DRC7: variants seen among roughly 807,000 people sequenced by gnomAD.
DRC7 encodes dynein regulatory complex subunit 7.
Under a neutral mutation model 104.4 loss-of-function variants are expected in DRC7, and 80 were observed. That is an observed-to-expected ratio of 0.77 (90% CI 0.64 to 0.92). The LOEUF (loss-of-function observed/expected upper bound fraction) is 0.92, where lower values mean the gene tolerates loss of function less well. DRC7 is among the 40% of genes least tolerant of loss of function. The probability of loss-of-function intolerance (pLI) is 0.00; values close to 1 mark genes in which losing one functional copy is unlikely to be tolerated. For synonymous variants in DRC7, 405 were observed against 447.3 expected (o/e 0.91, Z 1.19); for missense variants, 1,034 against 1,141.1 (o/e 0.91, Z 1.35).
At chr16:57,695,960 C>T (rs1445412518) in intron 1 of DRC7, among the ~76,000 whole-genome samples, 2 of 152,196 alleles carry the variant, frequency 1.3e-5, no homozygotes, top group Admixed American at 1.3e-4. Flanking sequence ...TCTGCTGCTC[C>T]CTTCTGCCCT....
At chr16:57,708,184 A>G (rs1247271803) in intron 8 of DRC7, among the ~76,000 whole-genome samples, 1 of 152,220 alleles carries the variant, frequency 6.6e-6, no homozygotes, top group Non-Finnish European at 1.5e-5. Flanking sequence ...CTAAGTGTAC[A>G]TACCATTGAA....
intron 8 of DRC7, among the ~76,000 whole-genome samples, chr16:57,710,239 C>T (rs1448933383): frequency 1.3e-5 from 2 of 152,186 alleles, no homozygotes; most frequent in African/African-American, 4.8e-5. Context: ...AGTTCTTGCA[C>T]ATCTTTTGTC....
At chr16:57,718,030 A>G (rs1430283892) in intron 8 of DRC7, among the ~76,000 whole-genome samples, 3 of 152,236 alleles carry the variant, frequency 2.0e-5, no homozygotes, top group African/African-American at 7.2e-5. Flanking sequence ...CCGATGCGGA[A>G]AGACCTGCAC....
intron 17 of DRC7, 98 bp from the exon 18 acceptor site, chr16:57,730,833 G>T: frequency 7.4e-7 from 1 of 1,352,188 alleles, no homozygotes; most frequent in East Asian, 2.3e-5. Flanking sequence ...GGGGCCAACC[G>T]TCATGGTGCT....
At chr16:57,697,878 A>T in intron 2 of DRC7, 35 bp from the exon 3 acceptor site, 4 of 1,547,934 alleles carry the variant, frequency 2.6e-6, no homozygotes, top group Non-Finnish European at 3.5e-6. Context: ...CTGGGCTGAC[A>T]GTCGGCCATG....
At chr16:57,713,364 T>C (rs1402420564) in intron 8 of DRC7, among the ~76,000 whole-genome samples, 3 of 152,258 alleles carry the variant, frequency 2.0e-5, no homozygotes, top group Non-Finnish European at 2.9e-5. Flanking sequence ...GATTTCTCTA[T>C]TTCTTCTTTC....
At chr16:57,700,448 AC>A (rs1465327896) in intron 5 of DRC7, among the ~76,000 whole-genome samples, 178 bp downstream of exon 5, 1 of 152,148 alleles carries the variant, frequency 6.6e-6, no homozygotes, top group Non-Finnish European at 1.5e-5. Context: ...GGAGTTTGAG[AC>A]CAGCCTGACC....
intron 8 of DRC7, 194 bp downstream of exon 8, chr16:57,707,872 T>C (rs1567876870): frequency 1.6e-6 from 1 of 611,154 alleles, no homozygotes; most frequent in African/African-American, 1.8e-5. Context: ...TTATTGTCTC[T>C]CCTGATTTGT....
Position 57,698,241 on chromosome 16 carries a change from A to G in DRC7, c.203+89A>G, listed in dbSNP as rs6499907. The G allele has an allele frequency of 5.0e-3, 7,838 of 1,571,890 alleles. 329 individuals are homozygous for G. The African/African-American group carries it at 0.094, about 19-fold the overall frequency. On this transcript the variant is annotated intron_variant, in intron 3 of 18. Transcript: ENST00000360716. Reference sequence around the variant, plus strand: ...GCAGAGTGCTGGTGCCTGGTCTGGTAGGGTGACCAGGAGATAGAGGGAAGC... The same window carrying G: ...GCAGAGTGCTGGTGCCTGGTCTGGTGGGGTGACCAGGAGATAGAGGGAAGC...
At chr16:57,700,379 T>G in intron 5 of DRC7, 109 bp downstream of exon 5, 3 of 1,392,378 alleles carry the variant, frequency 2.2e-6, no homozygotes, top group Non-Finnish European at 2.9e-6. Flanking sequence ...CCGGGCGTGG[T>G]AGCTCATGCC....
chr16:57,727,364 T>C lies in DRC7; in HGVS notation c.2151T>C (p.Tyr717=), dbSNP rs1178442052. 1 of 1,613,482 alleles carries C rather than the reference T, an allele frequency of 6.2e-7. No individual in the cohort carries two copies. Among genetic ancestry groups the C allele is most frequent in the Non-Finnish European group, 8.5e-7 (1 of 1,179,876 alleles). Reference sequence around the variant, plus strand: ...CGCACACACTGACCATCTCCATCTATGACACCAAGCGGAATGAGAAGAGCA... The same window carrying C: ...CGCACACACTGACCATCTCCATCTACGACACCAAGCGGAATGAGAAGAGCA... ...EAAHTLTISI[Y]DTKRNEKSKE... Residue 717 remains tyrosine, a synonymous_variant, in exon 16 of 19, where the codon TAT becomes TAC. Coordinates refer to ENST00000360716, the MANE Select transcript of DRC7 (RefSeq NM_001289162.2).
intron 17 of DRC7, 118 bp from the exon 18 acceptor site, chr16:57,730,813 T>C (rs2049053229): frequency 9.2e-7 from 1 of 1,087,314 alleles, no homozygotes; most frequent in African/African-American, 1.6e-5. Flanking sequence ...CTTGTGTGAG[T>C]GGGGACACTG....
intron 3 of DRC7, 71 bp downstream of exon 3, chr16:57,698,223 G>C: frequency 6.2e-7 from 1 of 1,602,134 alleles, no homozygotes. Context: ...CAGGCAGAGT[G>C]CTGGTGCCTG....
chr16:57,723,207 G>T, intron 12 of DRC7, 77 bp downstream of exon 12: 1 of 1,537,736 alleles, frequency 6.5e-7, no homozygotes, highest in Non-Finnish European at 8.8e-7. Flanking sequence ...GGTGGTATGT[G>T]GTGGCAGGAA....
chr16:57,730,928 C>G lies in DRC7; in HGVS notation c.2392-3C>G, dbSNP rs759559511. Reference sequence around the variant, plus strand: ...TCCTTCTCTGTCTGCCCTATGACCACAGGAGACCCAGGAGCTGCAAAAGAA... The same window carrying G: ...TCCTTCTCTGTCTGCCCTATGACCAGAGGAGACCCAGGAGCTGCAAAAGAA... On this transcript the variant is annotated splice_polypyrimidine_tract_variant and splice_region_variant and intron_variant, in intron 17 of 18. Transcript: ENST00000360716. 2 of 1,612,952 alleles carry G rather than the reference C, an allele frequency of 1.2e-6. No individual in the cohort carries two copies. The highest frequency in any genetic ancestry group is 2.2e-5 in the South Asian group (2 of 91,054).
At chr16:57,723,574 A>G (rs1382424461) in intron 12 of DRC7, among the ~76,000 whole-genome samples, 1 of 152,096 alleles carries the variant, frequency 6.6e-6, no homozygotes. Flanking sequence ...CAAAAAATAT[A>G]AAAATTAGCC....
chr16:57,705,980 A>ATCCAT (rs1377127864), intron 7 of DRC7, among the ~76,000 whole-genome samples: 1 of 71,180 alleles, frequency 1.4e-5, no homozygotes, highest in Non-Finnish European at 2.8e-5. Flanking sequence ...CCATCCTCCC[A>ATCCAT]CCATCCTCCC....
chr16:57,703,186 C>A (rs2048677582), intron 6 of DRC7, among the ~76,000 whole-genome samples: 1 of 145,212 alleles, frequency 6.9e-6, no homozygotes, highest in East Asian at 2.0e-4. Flanking sequence ...GCCCTCAAGG[C>A]CCCTTTTTAA....
intron 6 of DRC7, 31 bp from the exon 7 acceptor site, chr16:57,704,845 C>A: frequency 6.2e-7 from 1 of 1,610,152 alleles, no homozygotes; most frequent in Non-Finnish European, 8.5e-7. Flanking sequence ...GATGCAGGGC[C>A]ACTGACCCTT....
Sources: gnomAD v4.1 joint callset for allele counts (sites outside exome capture counted in the v4.1 genomes callset) on GRCh38, gnomAD v4.1.1 for gene constraint, MANE v1.5 for transcripts, NCBI Gene and HGNC (gene_info 2026-07-23, HGNC 2026-07-21) for gene names.